The following HKDC1 variants were observed in gnomAD, a reference collection of about 807,000 sequenced individuals.
The protein encoded by HKDC1 is hexokinase HKDC1.
Under a neutral mutation model 96.6 loss-of-function variants are expected in HKDC1, and 66 were observed. That is an observed-to-expected ratio of 0.68 (90% CI 0.56 to 0.84). The LOEUF is 0.84. Ranked by LOEUF, HKDC1 falls within the 40% of genes least tolerant of loss-of-function variation. The pLI is 0.00. For synonymous variants in HKDC1, 466 were observed against 473.1 expected (o/e 0.98, Z 0.20); for missense variants, 1,211 against 1,208.1 (o/e 1.00, Z -0.04).
intron 15 of HKDC1, among the ~76,000 whole-genome samples, chr10:69,260,320 C>A (rs1843785387): frequency 6.6e-6 from 1 of 152,158 alleles, no homozygotes; most frequent in South Asian, 2.1e-4. Flanking sequence ...GTAAGCCCAG[C>A]TGAAGCAAGG....
rs377379406 is a variant in HKDC1, at chr10:69,257,092, C to A, written c.1893C>A (p.Asp631Glu). 1 of 1,614,070 alleles carries A rather than the reference C, an allele frequency of 6.2e-7. No individual in the cohort carries two copies. The highest frequency in any genetic ancestry group is 1.7e-5 in the Admixed American group (1 of 60,020). ...GFKATDCEGE[D>E]VVDMLREAIK... is the part of the protein sequence containing the mutation. ...AGGCCACTGACTGTGAAGGGGAGGACGTGGTGGACATGCTCAGGGAAGCCA... is the reference window on the plus strand; with the variant it reads ...AGGCCACTGACTGTGAAGGGGAGGAAGTGGTGGACATGCTCAGGGAAGCCA... Residue 631 changes from aspartate (D) to glutamate (E), a missense_variant, in exon 13 of 18, where the codon GAC becomes GAA. By Grantham distance (45) the Asp-to-Glu change is conservative. Transcript: ENST00000354624.
At chr10:69,236,444 AG>A (rs1843362088) in intron 4 of HKDC1, among the ~76,000 whole-genome samples, 1 of 151,554 alleles carries the variant, frequency 6.6e-6, no homozygotes, top group African/African-American at 2.4e-5. Context: ...ATTACAATAA[AG>A]ATTTTTCAGG....
chr10:69,229,473 C>T (rs1159501883), intron 2 of HKDC1, among the ~76,000 whole-genome samples: 1 of 152,198 alleles, frequency 6.6e-6, no homozygotes, highest in Non-Finnish European at 1.5e-5. Flanking sequence ...TGGGACGTGT[C>T]CTTGACAGGG....
chr10:69,261,754 C>G (rs1270079266), intron 16 of HKDC1: 1 of 176,044 alleles, frequency 5.7e-6, no homozygotes, highest in African/African-American at 2.4e-5. Flanking sequence ...GCATCAGTAT[C>G]CAGACAAAGT....
chr10:69,235,967 T>G (rs1490616975), intron 4 of HKDC1, among the ~76,000 whole-genome samples: 2 of 152,148 alleles, frequency 1.3e-5, no homozygotes, highest in African/African-American at 4.8e-5. Context: ...TGAGAAACAC[T>G]GCAGCTCAGC....
At chr10:69,238,774 G>A (rs1843404272) in intron 4 of HKDC1, among the ~76,000 whole-genome samples, 1 of 152,202 alleles carries the variant, frequency 6.6e-6, no homozygotes, top group South Asian at 2.1e-4. Flanking sequence ...GAGGTTAAAC[G>A]ACTTGTCTAA....
In HKDC1 at chr10:69,247,539, A is replaced by G. The variant is rs761300598; in HGVS notation, c.1211A>G (p.Glu404Gly). The G allele has an allele frequency of 4.0e-5, 65 of 1,613,964 alleles. 1 individual carries two copies. The South Asian group carries it at 7.1e-4, about 18-fold the overall frequency. ...CGCCTCCGGGAGAACAAGAAGGTGG[A>G]ACGGCTCCGGACCACAGTGGGCATG... ...LTRLRENKKV[E>G]RLRTTVGMDG... is the part of the protein sequence containing the mutation. The change falls in exon 9 of 18, where the codon GAA (glutamate) becomes GGA (glycine). Residue 404 changes from glutamate to glycine, a missense_variant. Physicochemically the swap from Glu to Gly is moderately conservative, Grantham distance 98. Coordinates refer to ENST00000354624, the MANE Select transcript of HKDC1 (RefSeq NM_025130.4).
In HKDC1 at chr10:69,250,407, T is replaced by C. The variant is rs771865443; in HGVS notation, c.1688T>C (p.Leu563Pro). 8.7e-6 allele frequency: 14 copies of C among 1,613,974 alleles called. No individual in the cohort carries two copies. Among genetic ancestry groups the C allele is most frequent in the African/African-American group, 2.7e-5 (2 of 75,056 alleles). Reference sequence around the variant, plus strand: ...TACAACAAGATCTTCGCCATCCCCCTGGAGATCATGCAGGGCACTGGTGAG... The same window carrying C: ...TACAACAAGATCTTCGCCATCCCCCCGGAGATCATGCAGGGCACTGGTGAG... Reference protein sequence around the residue: ...RMYNKIFAIPLEIMQGTGEEL... With the variant: ...RMYNKIFAIPPEIMQGTGEEL... Residue 563 changes from leucine (L) to proline (P), a missense_variant, in exon 11 of 18, where the codon CTG becomes CCG. Transcript: ENST00000354624.
In HKDC1 at chr10:69,243,305, A is replaced by G. The variant is rs757052108; in HGVS notation, c.815A>G (p.Asp272Gly). 6.2e-7 allele frequency: 1 copy of G among 1,613,302 alleles called. No individual in the cohort carries two copies. Among genetic ancestry groups the G allele is most frequent in the East Asian group, 2.2e-5 (1 of 44,852 alleles). The stretch of plus-strand genomic sequence containing the variant: ...TTCGGGGACGACGGGGCCCTGGAGG[A>G]CATTCGCACTGAGTTCGACAGGGAG... Reference protein sequence around the residue: ...GAFGDDGALEDIRTEFDRELD... With the variant: ...GAFGDDGALEGIRTEFDRELD... Residue 272 changes from aspartate to glycine, a missense_variant, in exon 7 of 18, where the codon GAC becomes GGC. Asp to Gly is a moderately conservative substitution (Grantham distance 94). Coordinates refer to ENST00000354624, the MANE Select transcript of HKDC1 (RefSeq NM_025130.4).
chr10:69,266,546 A>G, intron 17 of HKDC1, 64 bp from the exon 18 acceptor site: 1 of 1,534,782 alleles, frequency 6.5e-7, no homozygotes, highest in Non-Finnish European at 8.9e-7. Context: ...TTAGATTATG[A>G]TCATTTATAA....
In HKDC1 at chr10:69,261,200, C is replaced by G. The variant is rs780708097; in HGVS notation, c.2278C>G (p.Leu760Val). 6 of 1,614,074 alleles carry G rather than the reference C, an allele frequency of 3.7e-6. No individual in the cohort carries two copies. Among genetic ancestry groups the G allele is most frequent in the Non-Finnish European group, 5.1e-6 (6 of 1,179,954 alleles). The change falls in exon 16 of 18, where the codon CTG becomes GTG. Residue 760 changes from leucine (L) to valine (V), a missense_variant. Leu to Val is a conservative substitution (Grantham distance 32). Coordinates refer to ENST00000354624, the MANE Select transcript of HKDC1 (RefSeq NM_025130.4). Reference sequence around the variant, plus strand: ...GATTGTGCGGCAGATCCTGATCGACCTGACCAAGCAGGGTCTCCTCTTCCG... The same window carrying G: ...GATTGTGCGGCAGATCCTGATCGACGTGACCAAGCAGGGTCTCCTCTTCCG... ...GEIVRQILID[L>V]TKQGLLFRGQ...
chr10:69,253,093 G>A (rs1013370292), intron 12 of HKDC1, among the ~76,000 whole-genome samples: 1 of 152,060 alleles, frequency 6.6e-6, no homozygotes, highest in Non-Finnish European at 1.5e-5. Flanking sequence ...GGGAAGCTAA[G>A]ACACAGGAAG....
rs1006696776 is a variant in HKDC1, at chr10:69,257,428, T to C, written c.2032+2T>C. ...ATTGTGAGATTGGCCTGATTGCAGG[T>C]AGGTGGTCAGGCATGGCCCATTGGC... On this transcript the variant is annotated splice_donor_variant, in intron 14 of 17. Transcript: ENST00000354624. LOFTEE classifies it high-confidence loss of function. 1.1e-5 allele frequency: 18 copies of C among 1,604,124 alleles called. No individual in the cohort carries two copies. The highest frequency in any genetic ancestry group is 1.5e-5 in the Non-Finnish European group (17 of 1,171,012).
chr10:69,261,380 TA>T, intron 16 of HKDC1, 86 bp downstream of exon 16: 2 of 1,371,874 alleles, frequency 1.5e-6, no homozygotes, highest in South Asian at 1.3e-5. Context: ...GGTTTAAAAA[TA>T]AAAACAGAAA....
At chr10:69,253,467 C>G (rs1222071489) in intron 12 of HKDC1, among the ~76,000 whole-genome samples, 1 of 152,232 alleles carries the variant, frequency 6.6e-6, no homozygotes, top group African/African-American at 2.4e-5. Context: ...TTCGAGAGCA[C>G]AGGCTCTGGG....
intron 1 of HKDC1, among the ~76,000 whole-genome samples, chr10:69,226,235 T>C (rs1294359327): frequency 2.0e-5 from 3 of 152,226 alleles, no homozygotes; most frequent in African/African-American, 7.2e-5. Context: ...CCTTTGGGTA[T>C]GGTCCTCTGT....
intron 8 of HKDC1, among the ~76,000 whole-genome samples, chr10:69,246,849 C>T (rs1160114914): frequency 3.3e-5 from 5 of 152,212 alleles, no homozygotes; most frequent in Non-Finnish European, 5.9e-5. Context: ...ATCTTGGCAT[C>T]GCCTTGACTT....
chr10:69,265,922 C>T (rs1269924149), intron 17 of HKDC1, 104 bp downstream of exon 17: 13 of 812,760 alleles, frequency 1.6e-5, no homozygotes, highest in African/African-American at 5.2e-5. Flanking sequence ...GATGCATCCC[C>T]GTCCTTTTAT....
chr10:69,259,044 C>A, intron 15 of HKDC1, 85 bp downstream of exon 15: 1 of 1,051,554 alleles, frequency 9.5e-7, no homozygotes, highest in Non-Finnish European at 1.3e-6. Flanking sequence ...GACAGCATAG[C>A]TTTGTGTGCT....
Sources: gnomAD v4.1 joint callset for allele counts (sites outside exome capture counted in the v4.1 genomes callset) on GRCh38, gnomAD v4.1.1 for gene constraint, MANE v1.5 for transcripts, NCBI Gene and HGNC (gene_info 2026-07-23, HGNC 2026-07-21) for gene names.